Variants in MTHFD1 observed in about 807,000 individuals in gnomAD.
MTHFD1 encodes the protein methylenetetrahydrofolate dehydrogenase, cyclohydrolase and formyltetrahydrofolate synthetase 1.
Under a neutral mutation model 110.3 loss-of-function variants are expected in MTHFD1, and 44 were observed. The observed-to-expected ratio is 0.40, with a 90% confidence interval of 0.31 to 0.51. The LOEUF is 0.51. Ranked by LOEUF, MTHFD1 falls within the 20% of genes least tolerant of loss-of-function variation. The probability of loss-of-function intolerance (pLI) is 0.60; values close to 1 mark genes in which losing one functional copy is unlikely to be tolerated. For missense variants in MTHFD1, 909 were observed against 1,173.1 expected (o/e 0.77, Z 3.29); for synonymous variants, 402 against 428.8 (o/e 0.94, Z 0.77).
At chr14:64,395,930 C>T (rs2077845037) in intron 1 of MTHFD1, among the ~76,000 whole-genome samples, 1 of 152,166 alleles carries the variant, frequency 6.6e-6, no homozygotes, top group Non-Finnish European at 1.5e-5. Context: ...TAAAATTTTA[C>T]ACTATTCTGA....
chr14:64,403,793 C>T (rs575614260), intron 2 of MTHFD1, among the ~76,000 whole-genome samples: 6 of 152,164 alleles, frequency 3.9e-5, no homozygotes, highest in Admixed American at 6.5e-5. Context: ...GTGATCCTCC[C>T]GCCTTGGCCT....
Position 64,415,750 on chromosome 14 carries a change from C to T in MTHFD1, c.478+11C>T, listed in dbSNP as rs762045403. 11 of 1,612,824 alleles carry T rather than the reference C, an allele frequency of 6.8e-6. No homozygotes were observed. The highest frequency in any genetic ancestry group is 9.3e-6 in the Non-Finnish European group (11 of 1,179,054). On this transcript the variant is annotated intron_variant, in intron 6 of 27. Transcript: ENST00000652337. ...TCATCAAAGAGACAGGTAAAAACAA[C>T]AAACCAAACAACAAGAAAGCACCAT...
At position 64,424,789 on chromosome 14, in the gene MTHFD1, C is replaced by T; in HGVS notation, c.728-15C>T. The T allele has an allele frequency of 1.2e-6, 2 of 1,613,452 alleles. No individual in the cohort carries two copies. Among genetic ancestry groups the T allele is most frequent in the Non-Finnish European group, 1.7e-6 (2 of 1,179,854 alleles). On this transcript the variant is annotated splice_polypyrimidine_tract_variant and intron_variant, in intron 8 of 27. Transcript: ENST00000652337. ...ATTCTGAGACTTAGTTTTGATTTCT[C>T]CCCCACTTGACCAGATGATAAAAAA...
chr14:64,446,666 C>G (rs1430934941), intron 22 of MTHFD1, among the ~76,000 whole-genome samples: 7 of 152,018 alleles, frequency 4.6e-5, no homozygotes, highest in Non-Finnish European at 1.0e-4. Context: ...CTCAGCCTCC[C>G]AAGAAGCTGC....
rs143559108 is a variant in MTHFD1 at position 64,441,507 on chromosome 14, G to C, written c.1884+54G>C. 3.6e-4 allele frequency: 568 copies of C among 1,578,426 alleles called. 2 individuals carry two copies. The African/African-American group carries it at 6.8e-3, about 19-fold the overall frequency. ...ATTGGTTTTGGACAGTCAGAGCAGA[G>C]TGGTTATAAAGCACACTTGCAAGGC... On this transcript the variant is annotated intron_variant, in intron 19 of 27. Transcript: ENST00000652337.
In MTHFD1 at chr14:64,442,263, T is replaced by C; in HGVS notation, c.1997T>C (p.Val666Ala). The change falls in exon 21 of 28, where the codon GTG becomes GCG. Residue 666 changes from valine (V) to alanine (A), a missense_variant and splice_region_variant. This residue lies in a region of MTHFD1 where 482 missense variants were observed against 646.0 expected (regional missense o/e 0.75). Transcript: ENST00000652337. ...LKLVGPEGFV[V>A]TEAGFGADIG... ...TTTACTGTTGCTTTCCTCTTTACAG[T>C]GACGGAAGCAGGATTTGGAGCAGAC... 6.2e-7 allele frequency: 1 copy of C among 1,614,264 alleles called. No homozygotes were observed. Among genetic ancestry groups the C allele is most frequent in the South Asian group, 1.1e-5 (1 of 91,088 alleles).
chr14:64,401,475 G>T (rs1465614449), intron 2 of MTHFD1, among the ~76,000 whole-genome samples: 1 of 152,184 alleles, frequency 6.6e-6, no homozygotes, highest in African/African-American at 2.4e-5. Context: ...GGCCGAGGTG[G>T]GCAGATCACC....
chr14:64,389,396 A>G (rs1047714663), intron 1 of MTHFD1, among the ~76,000 whole-genome samples: 9 of 152,146 alleles, frequency 5.9e-5, no homozygotes, highest in Non-Finnish European at 7.4e-5. Flanking sequence ...TAGGTTTTTG[A>G]GTGAATTACA....
At chr14:64,439,324 G>A in intron 17 of MTHFD1, 152 bp downstream of exon 17, 1 of 692,086 alleles carries the variant, frequency 1.4e-6, no homozygotes, top group South Asian at 1.6e-5. Flanking sequence ...GTGTGGCATT[G>A]AGCACTCCTG....
intron 24 of MTHFD1, among the ~76,000 whole-genome samples, chr14:64,451,164 C>CA (rs1388379532): frequency 1.3e-5 from 2 of 149,698 alleles, no homozygotes; most frequent in African/African-American, 2.4e-5. Context: ...AACTTCGTCT[C>CA]AAAAAAAAAA....
chr14:64,415,514 C>T lies in MTHFD1; in HGVS notation c.377+20C>T, dbSNP rs779115342. 7 of 1,613,896 alleles carry T rather than the reference C, an allele frequency of 4.3e-6. No homozygotes were observed. The African/African-American group carries it at 8.0e-5, about 18-fold the overall frequency. On this transcript the variant is annotated intron_variant, in intron 5 of 27. Transcript: ENST00000652337. ...GGATGGGTAAGTGTGGCTTGGCTTCCTATGTCTCATTGCATGCTTTCATTT... is the reference window on the plus strand; with the variant it reads ...GGATGGGTAAGTGTGGCTTGGCTTCTTATGTCTCATTGCATGCTTTCATTT...
chr14:64,427,104 G>A (rs951484652), intron 11 of MTHFD1, among the ~76,000 whole-genome samples: 2 of 151,782 alleles, frequency 1.3e-5, no homozygotes, highest in African/African-American at 4.8e-5. Context: ...TGCCCAGGCT[G>A]GAGTACAGTG....
rs1344484492 is a variant in MTHFD1 at position 64,425,612 on chromosome 14, A to G, written c.856-118A>G. ...TCTTAGCTAGGATTGAAGCATGGTAATAAGTGGGTCTGAAGCAGTTCATTT... is the reference window on the plus strand; with the variant it reads ...TCTTAGCTAGGATTGAAGCATGGTAGTAAGTGGGTCTGAAGCAGTTCATTT... On this transcript the variant is annotated intron_variant, in intron 9 of 27. Coordinates refer to ENST00000652337, the MANE Select transcript of MTHFD1 (RefSeq NM_005956.4). The G allele has an allele frequency of 1.2e-5, 10 of 855,670 alleles. No individual in the cohort carries two copies. The East Asian group carries it at 2.2e-4, about 19-fold the overall frequency. 53.0% of individuals were successfully genotyped at this position (855,670 alleles called of 1,614,324 possible).
chr14:64,407,651 G>C (rs1234109592), intron 2 of MTHFD1, among the ~76,000 whole-genome samples: 1 of 151,080 alleles, frequency 6.6e-6, no homozygotes, highest in Non-Finnish European at 1.5e-5. Context: ...GTCCCCCAGG[G>C]GATCCTCCCA....
At chr14:64,397,124 A>T (rs1410125958) in intron 1 of MTHFD1, among the ~76,000 whole-genome samples, 1 of 40,008 alleles carries the variant, frequency 2.5e-5, no homozygotes, top group Non-Finnish European at 4.3e-5. Context: ...AAAAAAAAAA[A>T]AAAAAAAAAA....
chr14:64,430,259 A>C (rs1421303888), intron 13 of MTHFD1, 29 bp downstream of exon 13: 6 of 1,607,780 alleles, frequency 3.7e-6, no homozygotes, highest in Non-Finnish European at 5.1e-6. Flanking sequence ...TGGCTGAATT[A>C]GATCCCCCTT....
intron 8 of MTHFD1, among the ~76,000 whole-genome samples, chr14:64,420,630 T>C (rs1169714768): frequency 2.0e-5 from 3 of 152,178 alleles, no homozygotes; most frequent in African/African-American, 7.2e-5. Flanking sequence ...ATAACTTCCT[T>C]GCAGGTGTCC....
chr14:64,419,510 A>G (rs2078052995), intron 7 of MTHFD1, among the ~76,000 whole-genome samples: 1 of 152,364 alleles, frequency 6.6e-6, no homozygotes, highest in East Asian at 1.9e-4. Flanking sequence ...GTGTCTGGAC[A>G]TAACACGCAG....
chr14:64,433,658 GCCTAC>G (rs1286066320), intron 15 of MTHFD1, among the ~76,000 whole-genome samples: 6 of 149,950 alleles, frequency 4.0e-5, no homozygotes, highest in Non-Finnish European at 7.4e-5. Flanking sequence ...CAAGCAATCT[GCCTAC>G]CTTGGCATAC....
Sources: gnomAD v4.1 joint callset for allele counts (sites outside exome capture counted in the v4.1 genomes callset) on GRCh38, gnomAD v4.1.1 for gene constraint, gnomAD v4.1.1 regional missense constraint, MANE v1.5 for transcripts, NCBI Gene and HGNC (gene_info 2026-07-23, HGNC 2026-07-21) for gene names.